GABRG1: variants seen among roughly 807,000 people sequenced by gnomAD.
GABRG1 encodes gamma-aminobutyric acid receptor subunit gamma-1.
A neutral mutation model predicts 49.8 loss-of-function variants in GABRG1; 49 were observed. That is an observed-to-expected ratio of 0.98 (90% CI 0.78 to 1.25). The LOEUF (loss-of-function observed/expected upper bound fraction) is 1.25, where lower values mean the gene tolerates loss of function less well. GABRG1 is among the 50% of genes most tolerant of loss of function. The pLI is 0.00. For synonymous variants in GABRG1, 232 were observed against 185.1 expected, an observed-to-expected ratio of 1.25 and a Z score of -2.06; for missense variants, 552 against 552.3, an observed-to-expected ratio of 1.00 and a Z score of 0.01.
At chr4:46,099,635 A>C (rs1196636849) in intron 1 of GABRG1, among the ~76,000 whole-genome samples, 1 of 151,692 alleles carries the variant, frequency 6.6e-6, no homozygotes, top group Non-Finnish European at 1.5e-5. Context: ...AGTTTCTCCC[A>C]CCACCAACAC....
intron 3 of GABRG1, among the ~76,000 whole-genome samples, chr4:46,076,948 T>C (rs1054903637): frequency 6.6e-6 from 1 of 151,638 alleles, no homozygotes; most frequent in African/African-American, 2.4e-5. Flanking sequence ...TTAATAATAA[T>C]ATTACTCTTA....
intron 1 of GABRG1, among the ~76,000 whole-genome samples, chr4:46,111,348 T>C (rs1315119449): frequency 6.6e-6 from 1 of 150,954 alleles, no homozygotes; most frequent in African/African-American, 2.4e-5. Context: ...CAAAGGTGAC[T>C]CAAAGAAATG....
At chr4:46,089,612 T>C (rs766229010) in intron 2 of GABRG1, among the ~76,000 whole-genome samples, 3 of 152,076 alleles carry the variant, frequency 2.0e-5, no homozygotes, top group Non-Finnish European at 4.4e-5. Flanking sequence ...GGTTGAACTA[T>C]TTAAATAACT....
In GABRG1 at chr4:46,041,249, A is replaced by C. The variant is rs201605702; in HGVS notation, c.1137T>G (p.Thr379=). Residue 379 remains threonine (T), a synonymous_variant, in exon 9 of 9, where the codon ACT becomes ACG. Transcript: ENST00000295452. ...GAGTGGATCCAGGATGGAGACCAGG[A>C]GTCATCTGAGCACAATAATAAATGA... ...DRKLKNKASM[T]PGLHPGSTLI... 2 of 1,612,226 alleles carry C rather than the reference A, an allele frequency of 1.2e-6. No homozygotes were observed. Among genetic ancestry groups the C allele is most frequent in the East Asian group, 4.5e-5 (2 of 44,790 alleles).
intron 2 of GABRG1, among the ~76,000 whole-genome samples, chr4:46,089,601 A>G (rs193115312): frequency 6.6e-6 from 1 of 152,210 alleles, no homozygotes; most frequent in African/African-American, 2.4e-5. Flanking sequence ...TTTTTATATT[A>G]GGTTGAACTA....
chr4:46,107,117 C>T (rs1395434205), intron 1 of GABRG1, among the ~76,000 whole-genome samples: 5 of 151,182 alleles, frequency 3.3e-5, no homozygotes, highest in Admixed American at 6.6e-5. Context: ...ATGTTGACTA[C>T]AGTTACCCTA....
Position 46,041,087 on chromosome 4 carries a change from G to A in GABRG1, c.1299C>T (p.His433=). Residue 433 remains histidine (H), a synonymous_variant, in exon 9 of 9, where the codon CAC becomes CAT. Coordinates refer to ENST00000295452, the MANE Select transcript of GABRG1 (RefSeq NM_173536.4). The stretch of plus-strand genomic sequence containing the variant: ...AAGAGTCAATTTTGGCAATGCGTAT[G>A]TGTATCCTTCCTTCCCTCCAAGATC... The part of the protein sequence containing the change: ...RTGSWREGRI[H]IRIAKIDSYS... 2.5e-6 allele frequency: 4 copies of A among 1,613,166 alleles called. No homozygotes were observed. Among genetic ancestry groups the A allele is most frequent in the South Asian group, 2.2e-5 (2 of 91,068 alleles).
rs1290731100 is a variant in GABRG1, at chr4:46,117,743, CATATACATACATGTATATACATATACAT to C, written c.104+6039_104+6066del. ...ATACATATACATATATACATATACA[CATATACATACATGTATATACATATACAT>C]ATATACATACATGTATATACATATA... On this transcript the variant is annotated intron_variant, in intron 1 of 8. Transcript: ENST00000295452. 7.8e-5 allele frequency among the ~76,000 whole-genome samples: 11 copies of C among 141,522 alleles called. No individual in the cohort carries two copies. The East Asian group carries it at 8.2e-4, about 11-fold the overall frequency. The allele number at this position is 141,522 out of a possible 152,430, so 92.8% of individuals were successfully genotyped here.
At chr4:46,106,646 T>A (rs886557535) in intron 1 of GABRG1, among the ~76,000 whole-genome samples, 18 of 151,558 alleles carry the variant, frequency 1.2e-4, no homozygotes, top group Middle Eastern at 6.8e-3. Flanking sequence ...TCAGGATGGA[T>A]AATATGTTAA....
chr4:46,088,112 A>T (rs1369806135), intron 2 of GABRG1, among the ~76,000 whole-genome samples: 1 of 152,068 alleles, frequency 6.6e-6, no homozygotes, highest in Non-Finnish European at 1.5e-5. Context: ...TTAATGAACA[A>T]TGTTCACCAG....
intron 5 of GABRG1, among the ~76,000 whole-genome samples, chr4:46,063,305 TGG>T (rs1402964647): frequency 5.9e-5 from 9 of 152,046 alleles, no homozygotes; most frequent in East Asian, 5.8e-4. Context: ...AGCATGGTAC[TGG>T]TACCAAAACA....
At chr4:46,090,537 A>G (rs77095751) in intron 2 of GABRG1, among the ~76,000 whole-genome samples, 3,003 of 152,180 alleles carry the variant, frequency 0.02, 78 homozygotes, top group Admixed American at 0.065. Flanking sequence ...CTCTATATAT[A>G]GAGAAAACAG....
intron 1 of GABRG1, among the ~76,000 whole-genome samples, chr4:46,105,687 A>C (rs1453154906): frequency 6.6e-6 from 1 of 151,364 alleles, no homozygotes; most frequent in African/African-American, 2.4e-5. Context: ...GATCAACATC[A>C]CACTATCTCC....
At chr4:46,082,677 G>A (rs1374809818) in intron 3 of GABRG1, among the ~76,000 whole-genome samples, 2 of 151,624 alleles carry the variant, frequency 1.3e-5, no homozygotes, top group Non-Finnish European at 1.5e-5. Context: ...CCATTTTATT[G>A]TATTCTCATG....
intron 1 of GABRG1, among the ~76,000 whole-genome samples, chr4:46,108,143 G>T (rs761342491): frequency 1.3e-5 from 2 of 151,076 alleles, no homozygotes; most frequent in African/African-American, 2.4e-5. Context: ...AGTATGGAAT[G>T]AAAAAATTCT....
In GABRG1 at chr4:46,072,245, G is replaced by C. The variant is rs1176343334; in HGVS notation, c.322-6661C>G. On this transcript the variant is annotated intron_variant, in intron 3 of 8. Coordinates refer to ENST00000295452, the MANE Select transcript of GABRG1 (RefSeq NM_173536.4). ...CACAGTATGTAGTAGACTATACCAT[G>C]TAGGTTTGTGTAAATACATTCTGTG... 3.3e-5 allele frequency among the ~76,000 whole-genome samples: 5 copies of C among 152,174 alleles called. No individual in the cohort carries two copies. In the East Asian group the frequency reaches 9.7e-4, roughly 29 times the overall value.
chr4:46,121,162 C>CA lies in GABRG1; in HGVS notation c.104+2647dup, dbSNP rs201480854. Among the ~76,000 whole-genome samples, 632 of 151,334 alleles carry CA rather than the reference C, an allele frequency of 4.2e-3. 5 individuals are homozygous for CA. Among genetic ancestry groups the CA allele is most frequent in the African/African-American group, 0.013 (556 of 41,352 alleles). ...ACTAAGCATTACAACTGATTAAATACAAAAAAAATGCTTCCAATTTGGGAA... is the reference window on the plus strand; with the variant it reads ...ACTAAGCATTACAACTGATTAAATACAAAAAAAAATGCTTCCAATTTGGGAA... On this transcript the variant is annotated intron_variant, in intron 1 of 8. Transcript: ENST00000295452.
chr4:46,078,598 T>C (rs1444215802), intron 3 of GABRG1, among the ~76,000 whole-genome samples: 3 of 151,896 alleles, frequency 2.0e-5, no homozygotes, highest in African/African-American at 2.4e-5. Context: ...ATAAATTATA[T>C]GGAAAGAATA....
intron 1 of GABRG1, among the ~76,000 whole-genome samples, chr4:46,123,101 A>ACAC (rs1721139869): frequency 2.3e-5 from 3 of 129,482 alleles, no homozygotes; most frequent in Admixed American, 7.9e-5. Context: ...CATACACACA[A>ACAC]ACACACACAC....
Sources: gnomAD v4.1 joint callset for allele counts (sites outside exome capture counted in the v4.1 genomes callset) on GRCh38, gnomAD v4.1.1 for gene constraint, MANE v1.5 for transcripts, NCBI Gene and HGNC (gene_info 2026-07-23, HGNC 2026-07-21) for gene names.